RAMACL: variants seen among roughly 807,000 people sequenced by gnomAD.
The protein encoded by RAMACL is RNA guanine-7 methyltransferase activating subunit like.
A neutral mutation model predicts 13.4 loss-of-function variants in RAMACL; 9 were observed. The ratio of observed to expected loss-of-function variants is 0.67; its 90% CI spans 0.41 to 1.17. The LOEUF (loss-of-function observed/expected upper bound fraction) is 1.17. RAMACL is among the 50% of genes most tolerant of loss of function. The pLI is 0.01. For synonymous variants in RAMACL, 39 were observed against 49.3 expected, an observed-to-expected ratio of 0.79 and a Z score of 0.88; for missense variants, 124 against 141.6, an observed-to-expected ratio of 0.88 and a Z score of 0.63.
downstream of RAMACL, among the ~76,000 whole-genome samples, chr6:166,583,995 A>G (rs1785097875): frequency 6.6e-6 from 1 of 152,268 alleles, no homozygotes; most frequent in African/African-American, 2.4e-5. Flanking sequence ...TGTATTTTAT[A>G]GCTCTGGTAG....
At chr6:166,586,573 C>T (rs1283802217) in exon 1 of RAMACL, 6 of 1,210,392 alleles carry the variant, frequency 5.0e-6, no homozygotes. Context: ...AGGCCGAACC[C>T]CGCCGGCGAG....
chr6:166,583,994 T>C (rs142064299), downstream of RAMACL, among the ~76,000 whole-genome samples: 344 of 152,368 alleles, frequency 2.3e-3, 1 homozygote, highest in African/African-American at 8.0e-3. Flanking sequence ...ATGTATTTTA[T>C]AGCTCTGGTA....
exon 1 of RAMACL, chr6:166,586,322 T>C: frequency 6.3e-7 from 1 of 1,599,402 alleles, no homozygotes; most frequent in Non-Finnish European, 8.5e-7. Flanking sequence ...TGCCTCTGTT[T>C]CTTTGGTTCC....
downstream of RAMACL, among the ~76,000 whole-genome samples, chr6:166,585,095 TGG>T (rs1785127135): frequency 6.6e-6 from 1 of 152,194 alleles, no homozygotes; most frequent in African/African-American, 2.4e-5. Context: ...TACAACGATG[TGG>T]GGTGCAGGAA....
At chr6:166,585,091 G>A (rs927463477), downstream of RAMACL, among the ~76,000 whole-genome samples, 5 of 152,294 alleles carry the variant, frequency 3.3e-5, no homozygotes, top group Admixed American at 2.0e-4. Flanking sequence ...TTGCTACAAC[G>A]ATGTGGGGTG....
chr6:166,585,402 G>A (rs1785136070), downstream of RAMACL, among the ~76,000 whole-genome samples: 1 of 151,352 alleles, frequency 6.6e-6, no homozygotes, highest in Non-Finnish European at 1.5e-5. Flanking sequence ...CCTAATTACA[G>A]AACCTAATTT....
downstream of RAMACL, among the ~76,000 whole-genome samples, chr6:166,584,242 C>A (rs559444009): frequency 4.6e-5 from 7 of 152,352 alleles, no homozygotes; most frequent in Middle Eastern, 3.4e-3. Flanking sequence ...AGCGCCCTTT[C>A]GTGGTGGAGC....
chr6:166,586,181 G>A lies in RAMACL; in HGVS notation c.297C>T (p.Tyr99=), dbSNP rs201656275. 3.0e-3 allele frequency: 4,806 copies of A among 1,577,842 alleles called. 85 individuals carry two copies. In the Middle Eastern group the frequency reaches 0.032, roughly 11 times the overall value. Residue 99 remains tyrosine (Y), a synonymous_variant, in exon 1 of 1, where the codon TAC becomes TAT. Transcript: ENST00000444122. ...CATAATGTCCATATTGCTGGGGATA[G>A]TAAGGTTCTTGTCTGTGTTGCGGGT...
chr6:166,583,861 C>G (rs1785093799), downstream of RAMACL, among the ~76,000 whole-genome samples: 1 of 152,192 alleles, frequency 6.6e-6, no homozygotes, highest in African/African-American at 2.4e-5. Flanking sequence ...TGGGTTCTAT[C>G]TAATGGTAAC....
chr6:166,586,511 T>C, exon 1 of RAMACL: 1 of 1,577,348 alleles, frequency 6.3e-7, no homozygotes, highest in Non-Finnish European at 8.6e-7. Context: ...GCAGCTGTAT[T>C]GCTTAATGTT....
downstream of RAMACL, among the ~76,000 whole-genome samples, chr6:166,583,974 G>T (rs139852129): frequency 1.3e-5 from 2 of 152,178 alleles, no homozygotes; most frequent in Non-Finnish European, 2.9e-5. Context: ...ACAAAAAGGC[G>T]CATCTTAAAA....
chr6:166,585,856 AAT>A (rs1490662700), exon 1 of RAMACL, among the ~76,000 whole-genome samples: 1 of 27,638 alleles, frequency 3.6e-5, no homozygotes, highest in Non-Finnish European at 5.9e-5. Flanking sequence ...GAGGTCAAAT[AAT>A]ATACCAAACT....
downstream of RAMACL, among the ~76,000 whole-genome samples, chr6:166,583,772 G>A (rs927276376): frequency 5.3e-5 from 8 of 152,334 alleles, no homozygotes. Flanking sequence ...GAGGCATCAC[G>A]CCAAAGGAAG....
At chr6:166,585,630 C>CAAAA (rs757455295) in exon 1 of RAMACL, among the ~76,000 whole-genome samples, 1 of 32,000 alleles carries the variant, frequency 3.1e-5, no homozygotes, top group Non-Finnish European at 4.9e-5. Flanking sequence ...TTAACAAATG[C>CAAAA]AAAAAAAAAA....
chr6:166,586,153 A>G (rs1330979947), exon 1 of RAMACL: 3 of 1,551,320 alleles, frequency 1.9e-6, no homozygotes, highest in Non-Finnish European at 2.6e-6. Context: ...CGCTGGTTGT[A>G]ACCATAATGT....
exon 1 of RAMACL, chr6:166,585,993 C>T: frequency 2.0e-6 from 1 of 490,478 alleles, no homozygotes; most frequent in Non-Finnish European, 3.2e-6. Flanking sequence ...TTTTTAAAGT[C>T]TCAACTTCCA....
chr6:166,584,549 T>C (rs1785111861), downstream of RAMACL, among the ~76,000 whole-genome samples: 5 of 152,216 alleles, frequency 3.3e-5, no homozygotes. Flanking sequence ...GCCAGTTATG[T>C]CATGACATCA....
exon 1 of RAMACL, chr6:166,586,092 G>A (rs1583302764): frequency 7.4e-6 from 9 of 1,222,842 alleles, no homozygotes; most frequent in Middle Eastern, 2.5e-4. Context: ...CAGAGTAAAT[G>A]CTTTTACTAA....
downstream of RAMACL, among the ~76,000 whole-genome samples, chr6:166,583,487 G>A (rs1776642201): frequency 1.3e-5 from 2 of 152,204 alleles, no homozygotes; most frequent in South Asian, 2.1e-4. Context: ...AGCATCCTGC[G>A]CACCTTCTCT....
Sources: allele counts gnomAD v4.1 joint callset (sites outside exome capture counted in the v4.1 genomes callset), GRCh38; gene constraint gnomAD v4.1.1; transcripts MANE v1.5; gene names NCBI Gene and HGNC (gene_info 2026-07-23, HGNC 2026-07-21).